ARMH4: variants seen among roughly 807,000 people sequenced by gnomAD.
The protein encoded by ARMH4 is armadillo-like helical domain-containing protein 4.
A neutral mutation model predicts 61.9 loss-of-function variants in ARMH4; 49 were observed. The ratio of observed to expected loss-of-function variants is 0.79; its 90% CI spans 0.63 to 1.00. The LOEUF is 1.00. Among genes scored for constraint, ARMH4 ranks in the 50% least tolerant of loss-of-function variants. The pLI is 0.00. For missense variants in ARMH4, 934 were observed against 930.0 expected (o/e 1.00, Z -0.06); for synonymous variants, 368 against 341.5 (o/e 1.08, Z -0.85).
chr14:58,076,808 T>G (rs1258032888), intron 5 of ARMH4, among the ~76,000 whole-genome samples: 1 of 152,126 alleles, frequency 6.6e-6, no homozygotes, highest in East Asian at 1.9e-4. Context: ...GAGCACTGCT[T>G]GAGTGTTCAT....
intron 5 of ARMH4, among the ~76,000 whole-genome samples, chr14:58,056,248 T>C (rs1319906759): frequency 6.6e-6 from 1 of 152,226 alleles, no homozygotes; most frequent in Non-Finnish European, 1.5e-5. Flanking sequence ...TCAGCTCTGC[T>C]TCATTCCCAA....
At chr14:58,123,806 C>T (rs1886809945) in intron 4 of ARMH4, among the ~76,000 whole-genome samples, 1 of 152,228 alleles carries the variant, frequency 6.6e-6, no homozygotes, top group South Asian at 2.1e-4. Flanking sequence ...TGAGCCAATT[C>T]TCATACCTGG....
At chr14:58,095,293 T>C (rs1469904774) in intron 5 of ARMH4, among the ~76,000 whole-genome samples, 1 of 152,210 alleles carries the variant, frequency 6.6e-6, no homozygotes, top group Admixed American at 6.5e-5. Flanking sequence ...ACATGATACC[T>C]CCATAGTATA....
intron 5 of ARMH4, among the ~76,000 whole-genome samples, chr14:58,093,744 G>T (rs906134882): frequency 1.3e-5 from 2 of 152,102 alleles, no homozygotes; most frequent in Non-Finnish European, 2.9e-5. Context: ...CCGAGAAAAG[G>T]TTGGTGGGCT....
intron 1 of ARMH4, among the ~76,000 whole-genome samples, chr14:58,143,274 CA>C (rs1183349987): frequency 1.3e-5 from 2 of 152,086 alleles, no homozygotes; most frequent in East Asian, 3.9e-4. Flanking sequence ...AGAAAAGAAA[CA>C]GCCTATCAGG....
chr14:58,103,598 A>T (rs1566581435), intron 4 of ARMH4, among the ~76,000 whole-genome samples: 1 of 150,344 alleles, frequency 6.7e-6, no homozygotes, highest in Non-Finnish European at 1.5e-5. Flanking sequence ...AGAGCACTAT[A>T]TTTTTTTTTG....
chr14:58,048,606 T>C (rs1307369735), intron 5 of ARMH4, among the ~76,000 whole-genome samples: 3 of 151,982 alleles, frequency 2.0e-5, no homozygotes, highest in Non-Finnish European at 4.4e-5. Context: ...CTTTTTCTAA[T>C]AGAAGAGCAA....
At position 58,131,635 on chromosome 14, in the gene ARMH4, C is replaced by T. The variant is rs775703964; in HGVS notation, c.1708G>A (p.Glu570Lys). 4 of 1,614,016 alleles carry T rather than the reference C, an allele frequency of 2.5e-6. No homozygotes were observed. The highest frequency in any genetic ancestry group is 4.5e-5 in the East Asian group (2 of 44,874). The change falls in exon 4 of 8, where the codon GAA becomes AAA. Residue 570 changes from glutamate to lysine, a missense_variant. Glu to Lys is a moderately conservative substitution (Grantham distance 56). Transcript: ENST00000267485. ...PVTPPGIMVGEPSISPALPAL... is the reference protein window; with the variant it reads ...PVTPPGIMVGKPSISPALPAL... ...GGAAGTGCAGGGGAAATGCTGGGTT[C>T]CCCCACCATTATTCCAGGAGGTGTC...
chr14:58,035,473 C>T (rs1883445824), intron 5 of ARMH4, among the ~76,000 whole-genome samples: 1 of 90,530 alleles, frequency 1.1e-5, no homozygotes, highest in Non-Finnish European at 2.1e-5. Flanking sequence ...AACACCCTAA[C>T]ATCACAATTA....
intron 4 of ARMH4, among the ~76,000 whole-genome samples, chr14:58,124,604 A>G (rs1886836245): frequency 6.6e-6 from 1 of 152,224 alleles, no homozygotes; most frequent in Admixed American, 6.5e-5. Flanking sequence ...GTGACTGCAT[A>G]CTTGTGCAAC....
intron 5 of ARMH4, among the ~76,000 whole-genome samples, chr14:58,042,062 C>A (rs1395692349): frequency 1.3e-5 from 2 of 151,946 alleles, no homozygotes; most frequent in African/African-American, 4.8e-5. Flanking sequence ...ACAAGGATAT[C>A]CAGGAATTGA....
chr14:58,087,270 T>C (rs376124163), intron 5 of ARMH4, among the ~76,000 whole-genome samples: 1 of 152,182 alleles, frequency 6.6e-6, no homozygotes, highest in Admixed American at 6.5e-5. Context: ...AACCTACTAC[T>C]TATAGTATTG....
chr14:58,045,790 T>C (rs776954771), intron 5 of ARMH4, among the ~76,000 whole-genome samples: 1 of 152,042 alleles, frequency 6.6e-6, no homozygotes, highest in Non-Finnish European at 1.5e-5. Context: ...CCAATATGAC[T>C]GATGTTCTTA....
At chr14:58,147,316 G>GT (rs33969627) in intron 1 of ARMH4, among the ~76,000 whole-genome samples, 2,376 of 132,524 alleles carry the variant, frequency 0.018, 26 homozygotes, top group Non-Finnish European at 0.023. Flanking sequence ...AATCCAGATG[G>GT]TTTTTTTTTT....
intron 5 of ARMH4, among the ~76,000 whole-genome samples, chr14:58,049,094 C>T (rs1286503936): frequency 6.6e-6 from 1 of 151,832 alleles, no homozygotes; most frequent in African/African-American, 2.4e-5. Context: ...AAAAAATTAG[C>T]CAGGCGTGGT....
chr14:58,117,042 C>A (rs1566587785), intron 4 of ARMH4, among the ~76,000 whole-genome samples: 2 of 152,192 alleles, frequency 1.3e-5, no homozygotes, highest in South Asian at 4.1e-4. Flanking sequence ...GTCTTGAACT[C>A]CTGGGCTCAA....
rs368410680 is a variant in ARMH4 at position 58,117,837 on chromosome 14, C to T, written c.1831+13675G>A. ...GCAGTGGTATGATCACAGTTCACTT[C>T]AGCCTCGAACTCCTGGGCTCAAGCA... On this transcript the variant is annotated intron_variant, in intron 4 of 7. Coordinates refer to ENST00000267485, the MANE Select transcript of ARMH4 (RefSeq NM_001001872.4). 2.1e-3 allele frequency among the ~76,000 whole-genome samples: 318 copies of T among 152,092 alleles called. 1 individual carries two copies. The highest frequency in any genetic ancestry group is 6.8e-3 in the African/African-American group (284 of 41,486).
intron 4 of ARMH4, among the ~76,000 whole-genome samples, chr14:58,100,621 AG>A: frequency 6.6e-6 from 1 of 152,336 alleles, no homozygotes; most frequent in African/African-American, 2.4e-5. Flanking sequence ...TTAGGTTATT[AG>A]GAAAACTATC....
In ARMH4 at chr14:58,096,963, T is replaced by A; in HGVS notation, c.1850A>T (p.Asp617Val). 2 of 1,613,752 alleles carry A rather than the reference T, an allele frequency of 1.2e-6. No individual in the cohort carries two copies. Among genetic ancestry groups the A allele is most frequent in the South Asian group, 1.1e-5 (1 of 91,066 alleles). The change falls in exon 5 of 8, where the codon GAT becomes GTT. Residue 617 changes from aspartate (D) to valine (V), a missense_variant. Coordinates refer to ENST00000267485, the MANE Select transcript of ARMH4 (RefSeq NM_001001872.4). Reference sequence around the variant, plus strand: ...ATCTTCATCTTCTTCATCCTCTTCATCCTCATCTTCTTGTCCCTCTAGGCA... The same window carrying A: ...ATCTTCATCTTCTTCATCCTCTTCAACCTCATCTTCTTGTCCCTCTAGGCA... Reference protein sequence around the residue: ...LESEEGQEDEDEEDEEDEDEE... With the variant: ...LESEEGQEDEVEEDEEDEDEE...
Sources: allele counts gnomAD v4.1 joint callset (sites outside exome capture counted in the v4.1 genomes callset), GRCh38; gene constraint gnomAD v4.1.1; transcripts MANE v1.5; gene names NCBI Gene and HGNC (gene_info 2026-07-23, HGNC 2026-07-21).